The following SRD5A2 variants were observed in gnomAD, a reference collection of about 807,000 sequenced individuals.
SRD5A2 encodes the protein 3-oxo-5-alpha-steroid 4-dehydrogenase 2.
Under a neutral mutation model 27.4 loss-of-function variants are expected in SRD5A2, and 30 were observed. The observed-to-expected ratio is 1.10, with a 90% CI of 0.82 to 1.49. The LOEUF is 1.49. SRD5A2 is among the 40% of genes most tolerant of loss of function. SRD5A2 has a pLI of 0.00. For synonymous variants in SRD5A2, 141 were observed against 133.6 expected (o/e 1.06, Z -0.38); for missense variants, 348 against 323.4 (o/e 1.08, Z -0.58).
At chr2:31,550,437 G>T (rs1244274545) in intron 1 of SRD5A2, among the ~76,000 whole-genome samples, 3 of 150,582 alleles carry the variant, frequency 2.0e-5, no homozygotes, top group African/African-American at 7.3e-5. Flanking sequence ...TAAAGACAGT[G>T]CAAAGAAGAA....
chr2:31,642,985 G>A, the SRD5A2 span, among the ~76,000 whole-genome samples: 5 of 151,748 alleles, frequency 3.3e-5, no homozygotes, highest in Non-Finnish European at 7.4e-5. Context: ...AATTTACGGT[G>A]GAAAAAAAAA....
At chr2:31,625,243 G>C in the SRD5A2 span, among the ~76,000 whole-genome samples, 1 of 152,128 alleles carries the variant, frequency 6.6e-6, no homozygotes, top group Non-Finnish European at 1.5e-5. Context: ...TAAGTTCTTT[G>C]TAGATTCTGG....
At chr2:31,649,587 G>A in the SRD5A2 span, among the ~76,000 whole-genome samples, 1 of 151,626 alleles carries the variant, frequency 6.6e-6, no homozygotes, top group African/African-American at 2.4e-5. Context: ...GAAACTACTG[G>A]GATAACTTTT....
chr2:31,580,476 CGCCAGGCAGG>C, intron 1 of SRD5A2, 134 bp downstream of exon 1: 1 of 1,067,538 alleles, frequency 9.4e-7, no homozygotes, highest in East Asian at 2.8e-5. Flanking sequence ...CCGCCAGGTG[CGCCAGGCAGG>C]CTGGCCTCCG....
chr2:31,592,468 A>G, the SRD5A2 span, among the ~76,000 whole-genome samples: 2 of 152,202 alleles, frequency 1.3e-5, no homozygotes. Flanking sequence ...TGACACCTCC[A>G]CCAGAGCAGA....
chr2:31,571,165 A>G (rs982803328), intron 1 of SRD5A2, among the ~76,000 whole-genome samples: 2 of 152,224 alleles, frequency 1.3e-5, no homozygotes, highest in African/African-American at 4.8e-5. Flanking sequence ...CACTGGTACA[A>G]AAACAGACAT....
rs1312828923 is a variant in SRD5A2 at position 31,580,938 on chromosome 2, G to T, written c.-38C>A. On this transcript the variant is annotated 5_prime_UTR_variant, in exon 1 of 5. The change creates a new upstream start codon in the 5' untranslated region. Coordinates refer to ENST00000622030, the MANE Select transcript of SRD5A2 (RefSeq NM_000348.4). The stretch of plus-strand genomic sequence containing the variant: ...CTCGCCGGTGGCCGCTGCCCTCCCA[G>T]AAGAGAGCGCGGCCCCCGCAACCCC... The T allele has an allele frequency of 6.4e-7, 1 of 1,571,360 alleles. No individual in the cohort carries two copies. Among genetic ancestry groups the T allele is most frequent in the South Asian group, 1.1e-5 (1 of 88,828 alleles).
chr2:31,543,413 T>C (rs1294816127), intron 1 of SRD5A2, among the ~76,000 whole-genome samples: 1 of 152,196 alleles, frequency 6.6e-6, no homozygotes, highest in Non-Finnish European at 1.5e-5. Flanking sequence ...GGTATTATTA[T>C]AACAATGTTT....
the SRD5A2 span, among the ~76,000 whole-genome samples, chr2:31,599,210 G>A: frequency 6.6e-6 from 1 of 151,970 alleles, no homozygotes; most frequent in African/African-American, 2.4e-5. Context: ...AACAATAATA[G>A]CTGGAGACTT....
At chr2:31,609,271 T>C in the SRD5A2 span, among the ~76,000 whole-genome samples, 1 of 152,092 alleles carries the variant, frequency 6.6e-6, no homozygotes, top group African/African-American at 2.4e-5. Flanking sequence ...CAGCTGACTT[T>C]TTTCAGAAAC....
At chr2:31,534,764 G>C (rs1208064647) in intron 1 of SRD5A2, among the ~76,000 whole-genome samples, 2 of 152,126 alleles carry the variant, frequency 1.3e-5, no homozygotes, top group Non-Finnish European at 2.9e-5. Flanking sequence ...ATTTTGGATA[G>C]GAACACCCAT....
intron 1 of SRD5A2, among the ~76,000 whole-genome samples, chr2:31,547,027 G>T (rs1192623848): frequency 6.6e-6 from 1 of 152,140 alleles, no homozygotes; most frequent in East Asian, 1.9e-4. Flanking sequence ...GAACCTGGGA[G>T]GCAGAGGTTG....
intron 1 of SRD5A2, among the ~76,000 whole-genome samples, chr2:31,554,114 T>C (rs1442365560): frequency 1.3e-5 from 2 of 152,164 alleles, no homozygotes; most frequent in East Asian, 3.9e-4. Context: ...TTCCAAGTGA[T>C]AGCTAAAACC....
intron 1 of SRD5A2, among the ~76,000 whole-genome samples, chr2:31,568,436 A>G (rs777067970): frequency 1.3e-5 from 2 of 152,160 alleles, no homozygotes; most frequent in African/African-American, 4.8e-5. Flanking sequence ...GGGAGACCCA[A>G]AGTGGGCAGT....
At chr2:31,660,377 C>T in the SRD5A2 span, among the ~76,000 whole-genome samples, 1 of 152,074 alleles carries the variant, frequency 6.6e-6, no homozygotes. Flanking sequence ...GATGCATTTA[C>T]CTTTTGACTC....
At chr2:31,545,237 CA>C (rs1384072189) in intron 1 of SRD5A2, among the ~76,000 whole-genome samples, 1 of 151,810 alleles carries the variant, frequency 6.6e-6, no homozygotes, top group East Asian at 1.9e-4. Flanking sequence ...ATGAGGTCAG[CA>C]TTATTCTGAC....
chr2:31,642,981 C>T, the SRD5A2 span, among the ~76,000 whole-genome samples: 5 of 151,346 alleles, frequency 3.3e-5, no homozygotes, highest in African/African-American at 9.7e-5. Context: ...AGTTAATTTA[C>T]GGTGGAAAAA....
chr2:31,592,064 G>A, the SRD5A2 span, among the ~76,000 whole-genome samples: 8 of 148,482 alleles, frequency 5.4e-5, no homozygotes, highest in Non-Finnish European at 7.4e-5. Context: ...TTGTGCACAC[G>A]TACCCTAAAA....
At chr2:31,532,208 C>T (rs1665922086) in intron 2 of SRD5A2, among the ~76,000 whole-genome samples, 1 of 152,162 alleles carries the variant, frequency 6.6e-6, no homozygotes, top group African/African-American at 2.4e-5. Context: ...TACTTCGACA[C>T]TTGTTATGTA....
Sources: gnomAD v4.1 joint callset for allele counts (sites outside exome capture counted in the v4.1 genomes callset) on GRCh38, gnomAD v4.1.1 for gene constraint, MANE v1.5 for transcripts, NCBI Gene and HGNC (gene_info 2026-07-23, HGNC 2026-07-21) for gene names.